Variants in TAF15 observed in about 807,000 individuals in gnomAD.
The protein encoded by TAF15 is TATA-binding protein-associated factor 2N.
In TAF15, 37 loss-of-function variants were observed where a neutral mutation model predicts 102.5. The ratio of observed to expected loss-of-function variants is 0.36; its 90% CI spans 0.28 to 0.47. The LOEUF (loss-of-function observed/expected upper bound fraction) is 0.47. Among genes scored for constraint, TAF15 ranks in the 20% least tolerant of loss-of-function variants. The pLI, the probability that TAF15 is intolerant of heterozygous loss-of-function variation, is 0.99. For synonymous variants in TAF15, 273 were observed against 259.2 expected (o/e 1.05, Z -0.51); for missense variants, 652 against 760.7 (o/e 0.86, Z 1.68).
At chr17:35,810,434 T>A (rs1283469770) in intron 1 of TAF15, 7 of 152,234 alleles carry the variant, frequency 4.6e-5, no homozygotes, top group Admixed American at 3.9e-4. Context: ...CCAGTTTGGA[T>A]CCTGCTAAAC....
At position 35,818,181 on chromosome 17, in the gene TAF15, C is replaced by T. The variant is rs1236571165; in HGVS notation, c.47+426C>T. Among the ~76,000 whole-genome samples the T allele has an allele frequency of 7.9e-5, 12 of 152,172 alleles. No homozygotes were observed. In the East Asian group the frequency reaches 1.5e-3, roughly 20 times the overall value. ...CGCGATCTCGGGTCGCTGCAAGCTCCGCCTCGCAGGTTCACGCCATTCTCT... is the reference window on the plus strand; with the variant it reads ...CGCGATCTCGGGTCGCTGCAAGCTCTGCCTCGCAGGTTCACGCCATTCTCT... On this transcript the variant is annotated intron_variant, in intron 2 of 15. Coordinates refer to ENST00000605844, the MANE Select transcript of TAF15 (RefSeq NM_139215.3).
chr17:35,820,755 T>G (rs1307125156), intron 5 of TAF15, among the ~76,000 whole-genome samples: 2 of 152,160 alleles, frequency 1.3e-5, no homozygotes, highest in Admixed American at 1.3e-4. Context: ...CAACATCTAT[T>G]TTTAAATTTC....
At chr17:35,843,205 CCT>C (rs1458172445) in intron 12 of TAF15, among the ~76,000 whole-genome samples, 4 of 151,866 alleles carry the variant, frequency 2.6e-5, no homozygotes, top group African/African-American at 9.7e-5. Flanking sequence ...CTCACCGCAA[CCT>C]CTCCCTCCCG....
In TAF15 at chr17:35,846,929, G is replaced by A. The variant is rs776503828; in HGVS notation, c.1763G>A (p.Arg588His). The A allele has an allele frequency of 6.8e-6, 11 of 1,613,990 alleles. No homozygotes were observed. Among genetic ancestry groups the A allele is most frequent in the African/African-American group, 2.7e-5 (2 of 74,902 alleles). The change falls in exon 16 of 16, where the codon CGC becomes CAC. Residue 588 changes from arginine to histidine, a missense_variant. Coordinates refer to ENST00000605844, the MANE Select transcript of TAF15 (RefSeq NM_139215.3). Reference sequence around the variant, plus strand: ...AGAAACGACTACAGAAATGATCAGCGCAACCGACCATACTGATGACTGTTT... The same window carrying A: ...AGAAACGACTACAGAAATGATCAGCACAACCGACCATACTGATGACTGTTT... ...GGRNDYRNDQ[R>H]NRPY
chr17:35,834,498 T>A, intron 8 of TAF15, 68 bp from the exon 9 acceptor site: 5 of 1,502,124 alleles, frequency 3.3e-6, no homozygotes, highest in African/African-American at 1.4e-5. Context: ...GGTTTATTAC[T>A]ATTTTTTTTG....
chr17:35,814,542 A>G (rs1387575960), intron 1 of TAF15, among the ~76,000 whole-genome samples: 5 of 151,742 alleles, frequency 3.3e-5, no homozygotes, highest in African/African-American at 4.8e-5. Context: ...CACCAGGAAC[A>G]TAGGCCTATA....
chr17:35,822,860 T>C (rs1568253671), intron 6 of TAF15, 27 bp downstream of exon 6: 2 of 1,609,804 alleles, frequency 1.2e-6, no homozygotes, highest in Non-Finnish European at 1.7e-6. Flanking sequence ...TCTATTATTA[T>C]TTTTCCCCCT....
At chr17:35,816,076 C>T (rs1054193328) in intron 1 of TAF15, among the ~76,000 whole-genome samples, 2 of 152,124 alleles carry the variant, frequency 1.3e-5, no homozygotes, top group Non-Finnish European at 2.9e-5. Flanking sequence ...GTACTCCTGT[C>T]CTGGCCACCC....
At chr17:35,821,071 G>A (rs2087252566) in intron 5 of TAF15, among the ~76,000 whole-genome samples, 1 of 152,152 alleles carries the variant, frequency 6.6e-6, no homozygotes. Context: ...CTATGAAATA[G>A]TGTCAGTGAT....
intron 1 of TAF15, chr17:35,809,874 C>T (rs1362812563): frequency 1.0e-5 from 6 of 574,334 alleles, no homozygotes; most frequent in African/African-American, 1.9e-5. Context: ...GGGGCGGAGG[C>T]CGTCTACGCC....
chr17:35,829,655 A>AAAAAAAG (rs1555617626), intron 7 of TAF15, among the ~76,000 whole-genome samples: 5 of 135,528 alleles, frequency 3.7e-5, no homozygotes, highest in African/African-American at 1.5e-4. Flanking sequence ...AAAAAAAAAA[A>AAAAAAAG]AGAGAGAGAG....
In TAF15 at chr17:35,847,167, G is replaced by A. The variant is rs543097180; in HGVS notation, c.*222G>A. Reference sequence around the variant, plus strand: ...CTCCCCAACCCTTGGAGCTAAATGCGTTGTAAAATATTGCCAAAATGAAAA... The same window carrying A: ...CTCCCCAACCCTTGGAGCTAAATGCATTGTAAAATATTGCCAAAATGAAAA... On this transcript the variant is annotated 3_prime_UTR_variant, in exon 16 of 16. Coordinates refer to ENST00000605844, the MANE Select transcript of TAF15 (RefSeq NM_139215.3). 18 of 615,326 alleles carry A rather than the reference G, an allele frequency of 2.9e-5. No homozygotes were observed. The highest frequency in any genetic ancestry group is 7.4e-5 in the African/African-American group (4 of 54,144). 38.1% of individuals were successfully genotyped at this position (615,326 alleles called of 1,614,324 possible). A position where few individuals can be genotyped will look rare whatever the true frequency, so the allele number is the denominator to read the frequency against.
At chr17:35,846,732 C>T (rs2087627262) in intron 15 of TAF15, among the ~76,000 whole-genome samples, 174 bp from the exon 16 acceptor site, 1 of 152,172 alleles carries the variant, frequency 6.6e-6, no homozygotes, top group Admixed American at 6.5e-5. Context: ...AATCTTAAAG[C>T]TGGTAAATTA....
At chr17:35,842,767 CTG>C (rs954737453) in intron 12 of TAF15, among the ~76,000 whole-genome samples, 6 of 151,968 alleles carry the variant, frequency 3.9e-5, no homozygotes, top group Non-Finnish European at 8.8e-5. Context: ...GTGTCTCACT[CTG>C]TTGCTCAGGC....
rs777176556 is a variant in TAF15 at position 35,822,738 on chromosome 17, A to C, written c.389A>C (p.Asp130Ala). 8.8e-5 allele frequency: 142 copies of C among 1,614,100 alleles called. No individual in the cohort carries two copies. Among genetic ancestry groups the C allele is most frequent in the Non-Finnish European group, 1.2e-4 (136 of 1,180,058 alleles). ...TATGATCAACATCAAGGCTCATATG[A>C]TGAGCAGTCAAATTATGATCAGCAG... Reference protein sequence around the residue: ...SGYDQHQGSYDEQSNYDQQHD... With the variant: ...SGYDQHQGSYAEQSNYDQQHD... Residue 130 changes from aspartate to alanine, a missense_variant, in exon 6 of 16, where the codon GAT (aspartate) becomes GCT (alanine). By Grantham distance (126) the Asp-to-Ala change is moderately radical. Coordinates refer to ENST00000605844, the MANE Select transcript of TAF15 (RefSeq NM_139215.3).
At chr17:35,829,658 AG>A in intron 7 of TAF15, among the ~76,000 whole-genome samples, 4 of 120,148 alleles carry the variant, frequency 3.3e-5, no homozygotes, top group Admixed American at 7.6e-5. Context: ...AAAAAAAAAG[AG>A]AGAGAGAGAC....
chr17:35,835,994 GGTT>G lies in TAF15; in HGVS notation c.674-134_674-132del, dbSNP rs1277107441. Reference sequence around the variant, plus strand: ...GTGAATACTTTGCATGTTTATATAAGGTTGTTCTTATATTGGTCCTTTCCTTTT... The same window carrying G: ...GTGAATACTTTGCATGTTTATATAAGGTTCTTATATTGGTCCTTTCCTTTT... On this transcript the variant is annotated intron_variant, in intron 9 of 15. Transcript: ENST00000605844. 3.7e-5 allele frequency: 24 copies of G among 646,448 alleles called. No homozygotes were observed. The East Asian group carries it at 5.4e-4, about 15-fold the overall frequency. 40.0% of individuals were successfully genotyped at this position (646,448 alleles called of 1,614,324 possible).
chr17:35,826,927 G>A (rs1045247675), intron 7 of TAF15, among the ~76,000 whole-genome samples: 1 of 151,058 alleles, frequency 6.6e-6, no homozygotes, highest in Non-Finnish European at 1.5e-5. Context: ...TCTTTTTAAA[G>A]ATGTGCTTTT....
At chr17:35,809,901 G>A (rs2087105151) in intron 1 of TAF15, 1 of 543,390 alleles carries the variant, frequency 1.8e-6, no homozygotes, top group African/African-American at 1.9e-5. Context: ...GGGGCGGGGG[G>A]AGCCGAGATT....
Sources: gnomAD v4.1 joint callset for allele counts (sites outside exome capture counted in the v4.1 genomes callset) on GRCh38, gnomAD v4.1.1 for gene constraint, MANE v1.5 for transcripts, NCBI Gene and HGNC (gene_info 2026-07-23, HGNC 2026-07-21) for gene names.